Variants in NKAIN2 observed in about 807,000 individuals in gnomAD.
NKAIN2 encodes the protein sodium/potassium-transporting ATPase subunit beta-1-interacting protein 2.
A neutral mutation model predicts 32.6 loss-of-function variants in NKAIN2; 14 were observed. The ratio of observed to expected loss-of-function variants is 0.43; its 90% CI spans 0.28 to 0.67. NKAIN2 has a LOEUF of 0.67. Ranked by LOEUF, NKAIN2 falls within the 30% of genes least tolerant of loss-of-function variation. The probability of loss-of-function intolerance (pLI) is 0.17; values close to 1 mark genes in which losing one functional copy is unlikely to be tolerated. For missense variants in NKAIN2, 198 were observed against 258.3 expected (o/e 0.77, Z 1.60); for synonymous variants, 80 against 87.2 (o/e 0.92, Z 0.46).
intron 1 of NKAIN2, among the ~76,000 whole-genome samples, chr6:124,026,471 T>C (rs1244431733): frequency 1.3e-5 from 2 of 152,194 alleles, no homozygotes; most frequent in Admixed American, 1.3e-4. Context: ...CAGTAAGCTA[T>C]AATATTTACT....
chr6:124,309,639 T>C (rs1796639652), intron 2 of NKAIN2, among the ~76,000 whole-genome samples: 1 of 152,150 alleles, frequency 6.6e-6, no homozygotes, highest in African/African-American at 2.4e-5. Context: ...GAACCTTACA[T>C]TGTATGGCCT....
At chr6:124,690,578 C>A (rs955286696) in intron 4 of NKAIN2, among the ~76,000 whole-genome samples, 1 of 152,254 alleles carries the variant, frequency 6.6e-6, no homozygotes, top group East Asian at 1.9e-4. Context: ...TATTCTTTAT[C>A]AAGTTGAACA....
intron 1 of NKAIN2, among the ~76,000 whole-genome samples, chr6:124,168,352 A>G (rs1194085688): frequency 6.6e-6 from 1 of 152,156 alleles, no homozygotes; most frequent in Non-Finnish European, 1.5e-5. Context: ...AATTTTAGCT[A>G]CAACAGAATT....
intron 3 of NKAIN2, among the ~76,000 whole-genome samples, chr6:124,397,200 C>T (rs1773418145): frequency 6.6e-6 from 1 of 151,660 alleles, no homozygotes; most frequent in South Asian, 2.1e-4. Flanking sequence ...GTGTAGTGTT[C>T]CTGCTTTGAA....
At chr6:123,813,044 C>G (rs1467883636) in intron 1 of NKAIN2, among the ~76,000 whole-genome samples, 1 of 152,164 alleles carries the variant, frequency 6.6e-6, no homozygotes, top group African/African-American at 2.4e-5. Context: ...TTCATAGTAT[C>G]CTAACCTACA....
At chr6:124,572,177 G>A (rs1005021792) in intron 3 of NKAIN2, among the ~76,000 whole-genome samples, 11 of 152,118 alleles carry the variant, frequency 7.2e-5, no homozygotes, top group Admixed American at 2.0e-4. Flanking sequence ...CTCCATCTTT[G>A]TTCTATTTAG....
intron 3 of NKAIN2, among the ~76,000 whole-genome samples, chr6:124,525,659 C>A (rs1340612729): frequency 6.6e-6 from 1 of 151,260 alleles, no homozygotes; most frequent in Non-Finnish European, 1.5e-5. Flanking sequence ...AATTTCTTCA[C>A]AACAATGTAG....
At position 124,227,396 on chromosome 6, in the gene NKAIN2, T is replaced by A. The variant is rs984111880; in HGVS notation, c.55-55609T>A. ...TTGCAAAACTCTTCTAATATTGAAG[T>A]TGGCATTTACACTCACGCGTAATTC... On this transcript the variant is annotated intron_variant, in intron 1 of 6. Coordinates refer to ENST00000368417, the MANE Select transcript of NKAIN2 (RefSeq NM_001040214.3). 3.3e-5 allele frequency among the ~76,000 whole-genome samples: 5 copies of A among 152,216 alleles called. No individual in the cohort carries two copies. The East Asian group carries it at 9.6e-4, about 29-fold the overall frequency.
intron 2 of NKAIN2, among the ~76,000 whole-genome samples, chr6:124,351,277 G>A (rs1360226156): frequency 6.6e-6 from 1 of 151,954 alleles, no homozygotes; most frequent in African/African-American, 2.4e-5. Context: ...AAGTTTGAGA[G>A]GCTGAGGCAG....
At chr6:124,323,125 T>G (rs897729605) in intron 2 of NKAIN2, among the ~76,000 whole-genome samples, 7 of 152,184 alleles carry the variant, frequency 4.6e-5, no homozygotes, top group Non-Finnish European at 8.8e-5. Context: ...TTGTATTGTC[T>G]GGTTTTATAT....
At position 123,964,345 on chromosome 6, in the gene NKAIN2, C is replaced by T. The variant is rs1777983160; in HGVS notation, c.54+160091C>T. Among the ~76,000 whole-genome samples, 2 of 152,114 alleles carry T rather than the reference C, an allele frequency of 1.3e-5. No individual in the cohort carries two copies. Among genetic ancestry groups the T allele is most frequent in the Admixed American group, 1.3e-4 (2 of 15,260 alleles). ...CCTTTGCCTGAACCTCCTCTAGTTT[C>T]ATTAAATTTAATTAGTATCAATTGC... On this transcript the variant is annotated intron_variant, in intron 1 of 6. Coordinates refer to ENST00000368417, the MANE Select transcript of NKAIN2 (RefSeq NM_001040214.3). The surrounding 1 kb of genome is among the most constrained non-coding windows in gnomAD (Gnocchi z 4.0).
chr6:124,707,322 G>T (rs1158501477), intron 4 of NKAIN2, among the ~76,000 whole-genome samples: 9 of 151,976 alleles, frequency 5.9e-5, no homozygotes, highest in South Asian at 4.2e-4. Flanking sequence ...TGTCTTTATA[G>T]CAGAATGATT....
chr6:124,696,907 A>G (rs796653963), intron 4 of NKAIN2, among the ~76,000 whole-genome samples: 2 of 152,224 alleles, frequency 1.3e-5, no homozygotes, highest in African/African-American at 4.8e-5. Flanking sequence ...CACTTGCATG[A>G]ATAGGGGTTC....
chr6:124,196,842 T>A (rs1790340766), intron 1 of NKAIN2, among the ~76,000 whole-genome samples: 1 of 151,994 alleles, frequency 6.6e-6, no homozygotes, highest in Non-Finnish European at 1.5e-5. Context: ...TTTATTAATA[T>A]GTTTTCATTT....
chr6:124,161,177 C>A (rs1788257201), intron 1 of NKAIN2, among the ~76,000 whole-genome samples: 1 of 152,108 alleles, frequency 6.6e-6, no homozygotes, highest in Admixed American at 6.6e-5. Flanking sequence ...GCTTCTGCTT[C>A]TGAGGAGGCC....
intron 2 of NKAIN2, among the ~76,000 whole-genome samples, chr6:124,296,832 A>C (rs1030163454): frequency 1.3e-5 from 2 of 152,210 alleles, no homozygotes; most frequent in African/African-American, 4.8e-5. Flanking sequence ...CAGAACCTTT[A>C]CTGGGCTTCT....
chr6:124,192,701 C>T (rs1157817169), intron 1 of NKAIN2, among the ~76,000 whole-genome samples: 1 of 149,822 alleles, frequency 6.7e-6, no homozygotes, highest in African/African-American at 2.5e-5. Context: ...TTTAATACTA[C>T]CAATTGTGGT....
chr6:124,261,555 A>T (rs1181709711), intron 1 of NKAIN2, among the ~76,000 whole-genome samples: 1 of 152,156 alleles, frequency 6.6e-6, no homozygotes, highest in Non-Finnish European at 1.5e-5. Flanking sequence ...CCACATTAAT[A>T]GTTGAGGTTT....
chr6:124,248,788 G>A (rs1160883394), intron 1 of NKAIN2, among the ~76,000 whole-genome samples: 1 of 152,102 alleles, frequency 6.6e-6, no homozygotes, highest in Non-Finnish European at 1.5e-5. Flanking sequence ...TGTCATACAG[G>A]CTTATGATCT....
Sources: gnomAD v4.1 joint callset for allele counts (sites outside exome capture counted in the v4.1 genomes callset) on GRCh38, gnomAD v4.1.1 for gene constraint, Gnocchi (gnomAD v3.1) non-coding constraint, MANE v1.5 for transcripts, NCBI Gene and HGNC (gene_info 2026-07-23, HGNC 2026-07-21) for gene names.